The following FBXL13 variants were observed in gnomAD, a reference collection of about 807,000 sequenced individuals.
The protein encoded by FBXL13 is F-box and leucine-rich repeat protein 13.
FBXL13 carries 67 observed loss-of-function variants against 83.6 expected under a neutral mutation model. That is an observed-to-expected ratio of 0.80 (90% CI 0.66 to 0.98). FBXL13 has a LOEUF of 0.98. FBXL13 is among the 50% of genes least tolerant of loss of function. FBXL13 has a pLI of 0.00. For synonymous variants in FBXL13, 272 were observed against 299.5 expected (o/e 0.91, Z 0.95); for missense variants, 822 against 866.5 (o/e 0.95, Z 0.64).
At chr7:102,943,160 C>T (rs1821782003) in intron 8 of FBXL13, among the ~76,000 whole-genome samples, 1 of 152,134 alleles carries the variant, frequency 6.6e-6, no homozygotes, top group Admixed American at 6.5e-5. Context: ...TAGAACCCTT[C>T]CCCCAACACT....
chr7:103,052,430 A>C (rs949090294), intron 2 of FBXL13, among the ~76,000 whole-genome samples: 1 of 152,088 alleles, frequency 6.6e-6, no homozygotes, highest in Non-Finnish European at 1.5e-5. Context: ...TTGAGGACTA[A>C]AGTGTTTTGC....
chr7:102,944,217 T>C, intron 8 of FBXL13: 1 of 1,602,284 alleles, frequency 6.2e-7, no homozygotes, highest in Non-Finnish European at 8.5e-7. Context: ...CAGCCGCTTT[T>C]TTAGGGCTCA....
chr7:102,894,286 T>A (rs946279921), intron 11 of FBXL13, among the ~76,000 whole-genome samples: 4 of 152,228 alleles, frequency 2.6e-5, no homozygotes, highest in African/African-American at 9.6e-5. Context: ...TACCTTTAAG[T>A]TTCGTGGGCT....
At chr7:102,855,611 A>G (rs1805920404) in intron 16 of FBXL13, among the ~76,000 whole-genome samples, 1 of 152,134 alleles carries the variant, frequency 6.6e-6, no homozygotes, top group Non-Finnish European at 1.5e-5. Context: ...TTCTTAAACT[A>G]GGTGGACAAG....
intron 1 of FBXL13, among the ~76,000 whole-genome samples, chr7:103,056,914 G>A (rs1236436049): frequency 6.6e-6 from 1 of 151,982 alleles, no homozygotes; most frequent in Non-Finnish European, 1.5e-5. Context: ...GATCATTAGT[G>A]ATGTTGAGCA....
intron 18 of FBXL13, chr7:102,822,412 T>G (rs780727593): frequency 5.9e-6 from 4 of 674,224 alleles, no homozygotes; most frequent in Non-Finnish European, 1.1e-5. Context: ...AAGTCCCTCC[T>G]TATTTGCAGA....
At chr7:102,937,870 C>T (rs1820634111) in intron 8 of FBXL13, among the ~76,000 whole-genome samples, 1 of 152,128 alleles carries the variant, frequency 6.6e-6, no homozygotes, top group Non-Finnish European at 1.5e-5. Context: ...TATACATGGT[C>T]ACACATAGAG....
chr7:102,840,441 G>A (rs1280531474), intron 17 of FBXL13, among the ~76,000 whole-genome samples: 2 of 152,200 alleles, frequency 1.3e-5, no homozygotes, highest in East Asian at 1.9e-4. Context: ...CCTCTGTGGG[G>A]CAAGAAAGGC....
chr7:103,004,492 G>A (rs1223065310), intron 6 of FBXL13, among the ~76,000 whole-genome samples: 1 of 152,226 alleles, frequency 6.6e-6, no homozygotes, highest in African/African-American at 2.4e-5. Context: ...AAGATAAAGA[G>A]AAGAATTTCA....
intron 8 of FBXL13, among the ~76,000 whole-genome samples, chr7:102,937,193 A>G (rs1419774569): frequency 6.6e-6 from 1 of 152,140 alleles, no homozygotes; most frequent in African/African-American, 2.4e-5. Context: ...AGAGCCTATT[A>G]TTTTAGATTA....
At chr7:102,987,193 A>G (rs889589870) in intron 6 of FBXL13, among the ~76,000 whole-genome samples, 1 of 152,140 alleles carries the variant, frequency 6.6e-6, no homozygotes, top group African/African-American at 2.4e-5. Flanking sequence ...AAAAAATAGT[A>G]TACTATGTAC....
At chr7:102,885,904 CA>C (rs986973606) in intron 11 of FBXL13, among the ~76,000 whole-genome samples, 8 of 152,250 alleles carry the variant, frequency 5.3e-5, no homozygotes, top group African/African-American at 1.9e-4. Flanking sequence ...ATGGTCTCAG[CA>C]CCCTTTTCAA....
intron 8 of FBXL13, chr7:102,945,018 A>G (rs1308005395): frequency 1.3e-5 from 2 of 154,706 alleles, no homozygotes; most frequent in African/African-American, 4.8e-5. Flanking sequence ...ATGCTGTTAT[A>G]ATAAAATGTC....
intron 2 of FBXL13, among the ~76,000 whole-genome samples, chr7:103,054,041 A>C (rs1797092146): frequency 6.6e-6 from 1 of 152,024 alleles, no homozygotes; most frequent in African/African-American, 2.4e-5. Context: ...TCAACATCCA[A>C]CTTCAGTAGC....
intron 1 of FBXL13, among the ~76,000 whole-genome samples, chr7:103,072,877 C>G (rs1799111199): frequency 6.6e-6 from 1 of 152,242 alleles, no homozygotes; most frequent in Non-Finnish European, 1.5e-5. Flanking sequence ...AGCTCCCTAA[C>G]CTACTGCCTT....
chr7:103,036,464 A>G (rs1795079934), intron 2 of FBXL13, among the ~76,000 whole-genome samples: 1 of 152,098 alleles, frequency 6.6e-6, no homozygotes, highest in East Asian at 1.9e-4. Flanking sequence ...TGAAGTGTTG[A>G]ATTTTTCATG....
At chr7:103,055,612 A>C (rs1271883618) in intron 2 of FBXL13, 32 bp downstream of exon 2, 2 of 1,009,328 alleles carry the variant, frequency 2.0e-6, no homozygotes, top group African/African-American at 3.4e-5. Flanking sequence ...AAAATAAAAT[A>C]TTTCCCTATC....
intron 14 of FBXL13, among the ~76,000 whole-genome samples, chr7:102,882,963 A>G (rs1563039198): frequency 2.0e-5 from 3 of 152,228 alleles, no homozygotes; most frequent in Non-Finnish European, 4.4e-5. Context: ...TTGGTTCTTC[A>G]TAAGCAAGTC....
intron 1 of FBXL13, among the ~76,000 whole-genome samples, chr7:103,066,414 C>A (rs1016327197): frequency 1.3e-5 from 2 of 150,032 alleles, no homozygotes; most frequent in African/African-American, 4.9e-5. Context: ...TTTTTTGAGA[C>A]AGAGTCTTAC....
Sources: gnomAD v4.1 joint callset for allele counts (sites outside exome capture counted in the v4.1 genomes callset) on GRCh38, gnomAD v4.1.1 for gene constraint, MANE v1.5 for transcripts, NCBI Gene and HGNC (gene_info 2026-07-23, HGNC 2026-07-21) for gene names.